The following UGGT1 variants were observed in gnomAD, a reference collection of about 807,000 sequenced individuals.
UGGT1 encodes UDP-glucose:glycoprotein glucosyltransferase 1.
UGGT1 carries 107 observed loss-of-function variants against 203.9 expected under a neutral mutation model. The ratio of observed to expected loss-of-function variants is 0.52; its 90% CI spans 0.45 to 0.62. The LOEUF is 0.62. Among genes scored for constraint, UGGT1 ranks in the 20% least tolerant of loss-of-function variants. UGGT1 has a pLI of 0.00. For synonymous variants in UGGT1, 628 were observed against 653.5 expected (o/e 0.96, Z 0.59); for missense variants, 1,673 against 1,867.2 (o/e 0.90, Z 1.92).
In UGGT1 at chr2:128,107,934, A is replaced by G. The variant is rs751621608; in HGVS notation, c.278-4A>G. 6.2e-7 allele frequency: 1 copy of G among 1,614,082 alleles called. No homozygotes were observed. The highest frequency in any genetic ancestry group is 8.5e-7 in the Non-Finnish European group (1 of 1,180,004). On this transcript the variant is annotated splice_polypyrimidine_tract_variant and splice_region_variant and intron_variant, in intron 3 of 40. Transcript: ENST00000259253. ...TTACTTTGGTTAATGTTCTTCCTTG[A>G]CAGGTACCGATTATTCCTACTATCA... is the stretch of plus-strand genomic sequence containing the variant.
intron 2 of UGGT1, among the ~76,000 whole-genome samples, chr2:128,101,487 G>C (rs1287402067): frequency 6.6e-6 from 1 of 152,158 alleles, no homozygotes; most frequent in Non-Finnish European, 1.5e-5. Flanking sequence ...TTCTGCAGCT[G>C]TAGCTACAGA....
chr2:128,157,473 G>A, intron 22 of UGGT1, 127 bp downstream of exon 22: 1 of 667,058 alleles, frequency 1.5e-6, no homozygotes, highest in Non-Finnish European at 2.5e-6. Context: ...CGAGGGAACG[G>A]AGAATTGTAT....
At chr2:128,186,121 C>T (rs191228719) in intron 38 of UGGT1, among the ~76,000 whole-genome samples, 1 of 152,150 alleles carries the variant, frequency 6.6e-6, no homozygotes, top group Admixed American at 6.5e-5. Flanking sequence ...TAGGTGCAGG[C>T]TGTTTGTAAG....
At chr2:128,171,969 A>T (rs919524748) in intron 28 of UGGT1, among the ~76,000 whole-genome samples, 2 of 152,200 alleles carry the variant, frequency 1.3e-5, no homozygotes, top group African/African-American at 4.8e-5. Context: ...GGAAATTTCT[A>T]ACTTGCCAGT....
rs116723912 is a variant in UGGT1, at chr2:128,178,767, G to A, written c.3815+198G>A. ...TCTGTGAAGTTGAACTATGTAGTGAGTGCTTCTGGATATTACAAGGCTGCA... is the reference window on the plus strand; with the variant it reads ...TCTGTGAAGTTGAACTATGTAGTGAATGCTTCTGGATATTACAAGGCTGCA... On this transcript the variant is annotated intron_variant, in intron 34 of 40. Transcript: ENST00000259253. 2.2e-3 allele frequency among the ~76,000 whole-genome samples: 335 copies of A among 152,294 alleles called. 3 individuals carry two copies. The highest frequency in any genetic ancestry group is 7.5e-3 in the African/African-American group (311 of 41,572).
At chr2:128,098,406 G>A (rs555558408) in intron 2 of UGGT1, among the ~76,000 whole-genome samples, 1 of 152,210 alleles carries the variant, frequency 6.6e-6, no homozygotes, top group African/African-American at 2.4e-5. Context: ...GCTGGCATGT[G>A]CCTGAGCATC....
intron 26 of UGGT1, among the ~76,000 whole-genome samples, chr2:128,169,088 A>AAAAAC (rs1690955509): frequency 1.5e-5 from 2 of 129,114 alleles, no homozygotes; most frequent in Non-Finnish European, 3.2e-5. Context: ...AAAAAAAAAA[A>AAAAAC]AAAGACAAGG....
intron 26 of UGGT1, among the ~76,000 whole-genome samples, chr2:128,169,912 T>G (rs1691009215): frequency 6.6e-6 from 1 of 152,276 alleles, no homozygotes; most frequent in Non-Finnish European, 1.5e-5. Context: ...TTTTGCAGGT[T>G]TTCTGGAATG....
chr2:128,113,198 C>G lies in UGGT1; in HGVS notation c.636C>G (p.Arg212=). Residue 212 remains arginine, a synonymous_variant, in exon 6 of 41, where the codon CGC becomes CGG. Transcript: ENST00000259253. ...CTGAGGAATTTTCCAATTTTCACCG[C>G]CAGCTTATATCAAAAAGCAATGCAG... ...IGSEEFSNFH[R]QLISKSNAGK... The G allele has an allele frequency of 6.2e-7, 1 of 1,613,156 alleles. No homozygotes were observed. Among genetic ancestry groups the G allele is most frequent in the African/African-American group, 1.3e-5 (1 of 74,994 alleles).
rs1441991454 is a variant in UGGT1 at position 128,174,737 on chromosome 2, T to G, written c.3454-36T>G. ...CCTCAGAAATAACATTTTGGTGTTT[T>G]GAAGAGAGCTAACTGGACTTTTCTT... On this transcript the variant is annotated intron_variant, in intron 30 of 40. Coordinates refer to ENST00000259253, the MANE Select transcript of UGGT1 (RefSeq NM_020120.4). 4.5e-6 allele frequency: 7 copies of G among 1,542,190 alleles called. No individual in the cohort carries two copies. In the East Asian group the frequency reaches 1.3e-4, roughly 30 times the overall value.
intron 11 of UGGT1, among the ~76,000 whole-genome samples, chr2:128,124,604 GTATT>G (rs1367976322): frequency 1.3e-5 from 2 of 150,658 alleles, no homozygotes; most frequent in African/African-American, 2.4e-5. Context: ...CTAGAAATAT[GTATT>G]TATTTATTTT....
chr2:128,095,359 CTCT>C (rs1195083968), intron 1 of UGGT1, among the ~76,000 whole-genome samples: 4 of 151,194 alleles, frequency 2.6e-5, no homozygotes, highest in South Asian at 4.2e-4. Flanking sequence ...CTTCTCCTTC[CTCT>C]TCTTCTTCCT....
intron 15 of UGGT1, among the ~76,000 whole-genome samples, chr2:128,135,884 C>T (rs1391675654): frequency 6.6e-6 from 1 of 152,202 alleles, no homozygotes; most frequent in Non-Finnish European, 1.5e-5. Flanking sequence ...AGTTTCATGA[C>T]ATTTTTCATA....
chr2:128,125,914 A>C (rs1231617240), intron 11 of UGGT1, among the ~76,000 whole-genome samples: 1 of 151,648 alleles, frequency 6.6e-6, no homozygotes, highest in Non-Finnish European at 1.5e-5. Context: ...TTTTTGAGTA[A>C]AACATTTTAT....
chr2:128,097,627 A>G, intron 2 of UGGT1, 63 bp downstream of exon 2: 1 of 1,581,110 alleles, frequency 6.3e-7, no homozygotes, highest in East Asian at 2.2e-5. Flanking sequence ...GACAGTGAAC[A>G]TTCAGGAGCT....
At chr2:128,133,282 G>T (rs770840747) in intron 14 of UGGT1, 22 bp downstream of exon 14, 1 of 1,598,134 alleles carries the variant, frequency 6.3e-7, no homozygotes, top group Non-Finnish European at 8.5e-7. Context: ...TTATTGTCTG[G>T]CTGTGAACTC....
chr2:128,167,002 G>A (rs537015887), intron 26 of UGGT1, among the ~76,000 whole-genome samples: 56 of 152,270 alleles, frequency 3.7e-4, no homozygotes, highest in African/African-American at 1.3e-3. Flanking sequence ...GTTTGCACTG[G>A]TTGTGTGTCC....
At chr2:128,134,039 C>T (rs1689009417) in intron 14 of UGGT1, among the ~76,000 whole-genome samples, 1 of 27,002 alleles carries the variant, frequency 3.7e-5, no homozygotes, top group South Asian at 7.0e-4. Flanking sequence ...TGTCTCTTTT[C>T]TTCCCCCCAC....
rs1003578720 is a variant in UGGT1 at position 128,130,190 on chromosome 2, G to A, written c.1377+1011G>A. On this transcript the variant is annotated intron_variant, in intron 13 of 40. Transcript: ENST00000259253. ...GGCAGGAGAATTGCTTCAACCTGGGGGTGGAGGTTACAGGTAGCTGAGATC... is the reference window on the plus strand; with the variant it reads ...GGCAGGAGAATTGCTTCAACCTGGGAGTGGAGGTTACAGGTAGCTGAGATC... 4.0e-5 allele frequency among the ~76,000 whole-genome samples: 6 copies of A among 151,464 alleles called. No homozygotes were observed. The South Asian group carries it at 1.0e-3, about 26-fold the overall frequency.
Sources: gnomAD v4.1 joint callset for allele counts (sites outside exome capture counted in the v4.1 genomes callset) on GRCh38, gnomAD v4.1.1 for gene constraint, MANE v1.5 for transcripts, NCBI Gene and HGNC (gene_info 2026-07-23, HGNC 2026-07-21) for gene names.